The following TOX variants were observed in gnomAD, a reference collection of about 807,000 sequenced individuals.
The protein encoded by TOX is thymocyte selection-associated high mobility group box protein TOX.
Under a neutral mutation model 53.7 loss-of-function variants are expected in TOX, and 11 were observed. That is an observed-to-expected ratio of 0.20 (90% confidence interval 0.13 to 0.34). The LOEUF (loss-of-function observed/expected upper bound fraction) is 0.34, where lower values mean the gene tolerates loss of function less well. Ranked by LOEUF, TOX falls within the 10% of genes least tolerant of loss-of-function variation. TOX has a pLI of 1.00. For missense variants in TOX, 570 were observed against 664.6 expected (o/e 0.86, Z 1.56); for synonymous variants, 225 against 245.3 (o/e 0.92, Z 0.77).
At chr8:58,857,092 G>A (rs886685394) in intron 3 of TOX, among the ~76,000 whole-genome samples, 2 of 152,136 alleles carry the variant, frequency 1.3e-5, no homozygotes, top group African/African-American at 2.4e-5. Flanking sequence ...ATCTTGGCAC[G>A]TAGTAGGAAC....
At chr8:59,043,557 C>T (rs1411717625) in intron 1 of TOX, among the ~76,000 whole-genome samples, 1 of 152,144 alleles carries the variant, frequency 6.6e-6, no homozygotes, top group Non-Finnish European at 1.5e-5. Context: ...TAGATCCTTT[C>T]TCTATAGACG....
intron 7 of TOX, chr8:58,814,288 G>A (rs1174011256): frequency 6.6e-6 from 1 of 152,128 alleles, no homozygotes; most frequent in Non-Finnish European, 1.5e-5. Flanking sequence ...TAGGAAATCT[G>A]TGTTTGCCTT....
At chr8:58,969,761 C>T (rs191989677) in intron 1 of TOX, among the ~76,000 whole-genome samples, 1 of 152,102 alleles carries the variant, frequency 6.6e-6, no homozygotes, top group Non-Finnish European at 1.5e-5. Context: ...AATACTTCAT[C>T]CTCCCCTTTG....
intron 3 of TOX, among the ~76,000 whole-genome samples, chr8:58,856,592 T>C (rs909285448): frequency 6.6e-6 from 1 of 152,160 alleles, no homozygotes; most frequent in Non-Finnish European, 1.5e-5. Context: ...CTCATTTTCC[T>C]TTTGTGCTGA....
intron 3 of TOX, among the ~76,000 whole-genome samples, chr8:58,898,840 G>A (rs985494860): frequency 2.6e-5 from 4 of 152,182 alleles, no homozygotes; most frequent in Non-Finnish European, 4.4e-5. Context: ...AAGGCTCCAC[G>A]TTGCAAATTG....
In TOX at chr8:58,808,198, C is replaced by T; in HGVS notation, c.1464G>A (p.Gln488=). 6.2e-7 allele frequency: 1 copy of T among 1,614,110 alleles called. No homozygotes were observed. The highest frequency in any genetic ancestry group is 8.5e-7 in the Non-Finnish European group (1 of 1,179,994). ...ACCCCGAACGCACATACTCCATTGC[C>T]TGGGTGACAACTTGTGCAGCTGTAG... ...PTSTAAQVVT[Q]AMEYVRSGCR... Residue 488 remains glutamine, a synonymous_variant, in exon 8 of 9, where the codon CAG becomes CAA. Coordinates refer to ENST00000361421, the MANE Select transcript of TOX (RefSeq NM_014729.3).
intron 4 of TOX, among the ~76,000 whole-genome samples, chr8:58,842,345 C>T (rs1183591130): frequency 6.6e-6 from 1 of 152,194 alleles, no homozygotes; most frequent in East Asian, 1.9e-4. Context: ...CTTTTTCTCT[C>T]TCTCTCTTTC....
Position 58,975,845 on chromosome 8 carries a change from G to A in TOX, c.103-15837C>T, listed in dbSNP as rs573106266. 1.6e-4 allele frequency among the ~76,000 whole-genome samples: 25 copies of A among 152,156 alleles called. 1 individual carries two copies. The South Asian group carries it at 2.9e-3, about 18-fold the overall frequency. On this transcript the variant is annotated intron_variant, in intron 1 of 8. Transcript: ENST00000361421. ...TCCCAGCACTCTGGGTGGCCGAGGC[G>A]GGTGGATCACAAGGTCAAGAGATCG...
intron 3 of TOX, among the ~76,000 whole-genome samples, chr8:58,887,409 C>A (rs574675152): frequency 7.2e-5 from 11 of 151,848 alleles, no homozygotes; most frequent in African/African-American, 2.7e-4. Flanking sequence ...TCCTCTAAAG[C>A]CATTTATACA....
At chr8:59,026,972 G>A (rs971499921) in intron 1 of TOX, among the ~76,000 whole-genome samples, 3 of 151,856 alleles carry the variant, frequency 2.0e-5, no homozygotes, top group African/African-American at 7.3e-5. Flanking sequence ...CAATGGAGAA[G>A]GGGGAGTGAA....
chr8:58,931,837 A>C (rs1191872294), intron 3 of TOX, among the ~76,000 whole-genome samples: 5 of 152,184 alleles, frequency 3.3e-5, no homozygotes, highest in African/African-American at 1.2e-4. Context: ...TCAAGGGTTG[A>C]AGAAAAAGTA....
chr8:59,032,831 G>T, intron 1 of TOX, among the ~76,000 whole-genome samples: 1 of 151,110 alleles, frequency 6.6e-6, no homozygotes, highest in Non-Finnish European at 1.5e-5. Context: ...TTTCTTAAGA[G>T]ACCATCCTGG....
intron 1 of TOX, among the ~76,000 whole-genome samples, chr8:59,101,691 AAGAGCAAAT>A (rs1192856117): frequency 6.6e-6 from 1 of 152,222 alleles, no homozygotes; most frequent in African/African-American, 2.4e-5. Flanking sequence ...TCTTGTCAAT[AAGAGCAAAT>A]ATCCATTATT....
rs537877343 is a variant in TOX at position 58,831,129 on chromosome 8, CT to C, written c.925-4228del. Among the ~76,000 whole-genome samples, 218 of 152,234 alleles carry C rather than the reference CT, an allele frequency of 1.4e-3. 3 individuals are homozygous for C. The highest frequency in any genetic ancestry group is 5.1e-3 in the African/African-American group (212 of 41,532). ...GTGACAAACATCTTGCTATGGATTC[CT>C]TTTGAGGACTGTCTGACCCACGTAA... On this transcript the variant is annotated intron_variant, in intron 5 of 8. Transcript: ENST00000361421.
At chr8:58,974,627 T>C (rs536073624) in intron 1 of TOX, among the ~76,000 whole-genome samples, 39 of 152,074 alleles carry the variant, frequency 2.6e-4, no homozygotes, top group African/African-American at 8.9e-4. Flanking sequence ...AAAATAAACA[T>C]ACACTGTATT....
At chr8:58,909,576 T>C (rs534958939) in intron 3 of TOX, among the ~76,000 whole-genome samples, 1 of 152,180 alleles carries the variant, frequency 6.6e-6, no homozygotes, top group African/African-American at 2.4e-5. Flanking sequence ...CAAATCAGCA[T>C]CTACATTTTT....
intron 3 of TOX, among the ~76,000 whole-genome samples, chr8:58,911,175 A>G (rs942826300): frequency 2.0e-5 from 3 of 152,106 alleles, no homozygotes; most frequent in Non-Finnish European, 4.4e-5. Context: ...TCATGGTTTA[A>G]TACAGGATGA....
chr8:59,075,671 TA>T (rs1418843842), intron 1 of TOX, among the ~76,000 whole-genome samples: 1 of 152,120 alleles, frequency 6.6e-6, no homozygotes, highest in African/African-American at 2.4e-5. Context: ...TCTGTAAATA[TA>T]AAACTGAAGA....
rs1264972616 is a variant in TOX at position 59,077,703 on chromosome 8, C to T, written c.102+41183G>A. ...TCCAGACGAAGAGCCTGAACACTGA[C>T]ATTTTATTTACATGGTTGATACTGA... On this transcript the variant is annotated intron_variant, in intron 1 of 8. Transcript: ENST00000361421. 3.9e-5 allele frequency among the ~76,000 whole-genome samples: 6 copies of T among 152,266 alleles called. No homozygotes were observed. The East Asian group carries it at 5.8e-4, about 15-fold the overall frequency.
Sources: allele counts gnomAD v4.1 joint callset (sites outside exome capture counted in the v4.1 genomes callset), GRCh38; gene constraint gnomAD v4.1.1; transcripts MANE v1.5; gene names NCBI Gene and HGNC (gene_info 2026-07-23, HGNC 2026-07-21).